TMEM135: variants seen among roughly 807,000 people sequenced by gnomAD.
The protein encoded by TMEM135 is peroxisomal membrane protein 52.
A neutral mutation model predicts 60.3 loss-of-function variants in TMEM135; 30 were observed. That is an observed-to-expected ratio of 0.50 (90% CI 0.37 to 0.68). The LOEUF is 0.68. Among genes scored for constraint, TMEM135 ranks in the 30% least tolerant of loss-of-function variants. The probability of loss-of-function intolerance (pLI) is 0.00; values close to 1 mark genes in which losing one functional copy is unlikely to be tolerated. For missense variants in TMEM135, 468 were observed against 548.8 expected, an observed-to-expected ratio of 0.85 and a Z score of 1.47; for synonymous variants, 190 against 186.7, an observed-to-expected ratio of 1.02 and a Z score of -0.14.
intron 5 of TMEM135, among the ~76,000 whole-genome samples, chr11:87,219,566 T>A (rs1483781554): frequency 6.6e-6 from 1 of 152,108 alleles, no homozygotes; most frequent in Non-Finnish European, 1.5e-5. Flanking sequence ...CTGGTGTTGC[T>A]TCCACTTCTT....
intron 6 of TMEM135, among the ~76,000 whole-genome samples, chr11:87,269,297 T>A (rs1420990915): frequency 3.1e-4 from 43 of 137,084 alleles, no homozygotes; most frequent in African/African-American, 9.8e-4. Context: ...TTTTTTTTTT[T>A]ATGAGGAAGC....
intron 4 of TMEM135, among the ~76,000 whole-genome samples, chr11:87,120,468 A>ATTT (rs1555106504): frequency 1.3e-5 from 1 of 77,236 alleles, no homozygotes; most frequent in Non-Finnish European, 2.6e-5. Context: ...ATGAGATGAA[A>ATTT]TTTCTTTTTT....
chr11:87,100,960 G>A (rs1857444360), intron 4 of TMEM135, among the ~76,000 whole-genome samples: 1 of 152,168 alleles, frequency 6.6e-6, no homozygotes, highest in Non-Finnish European at 1.5e-5. Flanking sequence ...CGATTAACTA[G>A]CACTTAAAAA....
chr11:87,314,486 T>C lies in TMEM135; in HGVS notation c.1016T>C (p.Ile339Thr). The change falls in exon 12 of 15, where the codon ATA (isoleucine) becomes ACA (threonine). Residue 339 changes from isoleucine (I) to threonine (T), a missense_variant. Coordinates refer to ENST00000305494, the MANE Select transcript of TMEM135 (RefSeq NM_022918.4). ...CTTGTTTCAGGATTTTTGGCAGGTA[T>C]ATCAATGATGTTTTATAAAAGCACA... ...HAIIAGFLAGISMMFYKSTTI... is the reference protein window; with the variant it reads ...HAIIAGFLAGTSMMFYKSTTI... 1 of 1,610,488 alleles carries C rather than the reference T, an allele frequency of 6.2e-7. No individual in the cohort carries two copies. Among genetic ancestry groups the C allele is most frequent in the South Asian group, 1.1e-5 (1 of 91,026 alleles).
intron 5 of TMEM135, among the ~76,000 whole-genome samples, chr11:87,219,539 G>A (rs563070689): frequency 1.3e-5 from 2 of 152,248 alleles, no homozygotes; most frequent in East Asian, 3.9e-4. Context: ...AAGCATGTGA[G>A]TAAGTGAGAG....
At chr11:87,125,570 A>G (rs981604939) in intron 4 of TMEM135, among the ~76,000 whole-genome samples, 27 of 152,240 alleles carry the variant, frequency 1.8e-4, no homozygotes, top group African/African-American at 6.0e-4. Context: ...ACAGAATGGT[A>G]TGAAATGAGG....
At chr11:87,314,606 C>A in intron 12 of TMEM135, 59 bp downstream of exon 12, 1 of 1,375,096 alleles carries the variant, frequency 7.3e-7, no homozygotes, top group Non-Finnish European at 1.0e-6. Context: ...TAGCTGCTGA[C>A]TGTTTTAGCA....
chr11:87,193,924 A>G (rs1395126143), intron 5 of TMEM135, among the ~76,000 whole-genome samples: 1 of 151,940 alleles, frequency 6.6e-6, no homozygotes, highest in Admixed American at 6.6e-5. Flanking sequence ...ATTGCTGTGG[A>G]CTGTGATAAA....
intron 4 of TMEM135, chr11:87,121,622 C>T (rs925816643): frequency 1.4e-5 from 2 of 139,942 alleles, no homozygotes; most frequent in African/African-American, 2.6e-5. Context: ...TACTTTAGGA[C>T]AATCATTTTG....
At chr11:87,127,890 T>C (rs1296511405) in intron 4 of TMEM135, among the ~76,000 whole-genome samples, 2 of 152,162 alleles carry the variant, frequency 1.3e-5, no homozygotes, top group African/African-American at 4.8e-5. Context: ...AAAAAAATGC[T>C]GAATGTCCAG....
chr11:87,134,110 T>A (rs902981410), intron 4 of TMEM135, among the ~76,000 whole-genome samples: 1 of 152,144 alleles, frequency 6.6e-6, no homozygotes, highest in Non-Finnish European at 1.5e-5. Context: ...CAGCAGAGAT[T>A]TATTTTCTAA....
rs141949345 is a variant in TMEM135 at position 87,303,931 on chromosome 11, T to C, written c.698+1489T>C. On this transcript the variant is annotated intron_variant, in intron 8 of 14. Transcript: ENST00000305494. ...GTATCATAGTAGCCTCAGTGGATCT[T>C]CTGGTATGAAAGTGGATGCAGAATA... 6.2e-3 allele frequency among the ~76,000 whole-genome samples: 938 copies of C among 152,284 alleles called. 14 individuals carry two copies. Among genetic ancestry groups the C allele is most frequent in the African/African-American group, 0.021 (877 of 41,542 alleles).
At chr11:87,174,705 G>T (rs1027502265) in intron 5 of TMEM135, among the ~76,000 whole-genome samples, 1 of 152,142 alleles carries the variant, frequency 6.6e-6, no homozygotes, top group Non-Finnish European at 1.5e-5. Context: ...TAGCTCCTTG[G>T]AAACTGTGAC....
At chr11:87,277,341 G>T in intron 6 of TMEM135, 1 of 355,714 alleles carries the variant, frequency 2.8e-6, no homozygotes, top group South Asian at 2.1e-5. Flanking sequence ...ATGTTAGCCA[G>T]GCTGGTCTTG....
intron 6 of TMEM135, among the ~76,000 whole-genome samples, chr11:87,293,062 T>C (rs746818978): frequency 6.6e-6 from 1 of 152,242 alleles, no homozygotes; most frequent in Non-Finnish European, 1.5e-5. Context: ...AATCTTTTAA[T>C]CAGTCTACTG....
At chr11:87,208,478 G>A (rs1243809255) in intron 5 of TMEM135, among the ~76,000 whole-genome samples, 1 of 152,136 alleles carries the variant, frequency 6.6e-6, no homozygotes, top group African/African-American at 2.4e-5. Context: ...AGAGCTTGAA[G>A]ACCACTCCTT....
At chr11:87,159,179 A>G (rs77575668) in intron 5 of TMEM135, among the ~76,000 whole-genome samples, 25,255 of 152,158 alleles carry the variant, frequency 0.17, 2,446 homozygotes, top group African/African-American at 0.27. Flanking sequence ...GTTAACAAGT[A>G]TTAGTGTCAG....
chr11:87,063,437 C>G (rs1949967982), intron 1 of TMEM135, among the ~76,000 whole-genome samples: 1 of 152,152 alleles, frequency 6.6e-6, no homozygotes, highest in African/African-American at 2.4e-5. Context: ...TGTGATGTTT[C>G]TGAAGGTATC....
intron 5 of TMEM135, among the ~76,000 whole-genome samples, chr11:87,203,866 A>G (rs1940176614): frequency 6.6e-6 from 1 of 152,148 alleles, no homozygotes; most frequent in Non-Finnish European, 1.5e-5. Flanking sequence ...CTTTAACAGT[A>G]TTTGGTGCTG....
Sources: allele counts gnomAD v4.1 joint callset (sites outside exome capture counted in the v4.1 genomes callset), GRCh38; gene constraint gnomAD v4.1.1; transcripts MANE v1.5; gene names NCBI Gene and HGNC (gene_info 2026-07-23, HGNC 2026-07-21).